Variants in GRM5 observed in about 807,000 individuals in gnomAD.
GRM5 encodes glutamate metabotropic receptor 5.
GRM5 carries 19 observed loss-of-function variants against 83.1 expected under a neutral mutation model. The ratio of observed to expected loss-of-function variants is 0.23; its 90% CI spans 0.16 to 0.34. The LOEUF is 0.34. Ranked by LOEUF, GRM5 falls within the 10% of genes least tolerant of loss-of-function variation. The pLI, the probability that GRM5 is intolerant of heterozygous loss-of-function variation, is 1.00. For synonymous variants in GRM5, 675 were observed against 633.6 expected (o/e 1.07, Z -0.98); for missense variants, 1,160 against 1,588.3 (o/e 0.73, Z 4.58).
intron 3 of GRM5, among the ~76,000 whole-genome samples, chr11:88,819,782 G>A (rs1943754139): frequency 6.6e-6 from 1 of 152,082 alleles, no homozygotes; most frequent in African/African-American, 2.4e-5. Context: ...CTGGAGGCTG[G>A]GCAGTCCAAG....
At chr11:88,749,064 C>T (rs951143456) in intron 3 of GRM5, among the ~76,000 whole-genome samples, 13 of 152,274 alleles carry the variant, frequency 8.5e-5, no homozygotes, top group Admixed American at 2.0e-4. Context: ...CAACACCTCT[C>T]GAGCAAGGAC....
chr11:88,558,312 C>T (rs1164496841), intron 8 of GRM5, among the ~76,000 whole-genome samples: 1 of 152,080 alleles, frequency 6.6e-6, no homozygotes, highest in African/African-American at 2.4e-5. Context: ...AAATACAGCC[C>T]CACATTCGAA....
intron 3 of GRM5, among the ~76,000 whole-genome samples, chr11:88,773,610 TC>T (rs1942785656): frequency 6.6e-6 from 1 of 152,320 alleles, no homozygotes; most frequent in East Asian, 1.9e-4. Context: ...CTTTAATCCA[TC>T]TTGAATTAAT....
chr11:88,958,270 A>G (rs1029711265), intron 2 of GRM5, among the ~76,000 whole-genome samples: 2 of 150,258 alleles, frequency 1.3e-5, no homozygotes, highest in African/African-American at 2.4e-5. Flanking sequence ...ATGTATATGA[A>G]TTTTTCTTTT....
Position 88,836,837 on chromosome 11 carries a change from CAAACAAAA to C in GRM5, c.911+13061_911+13068del, listed in dbSNP as rs1446873485. On this transcript the variant is annotated intron_variant, in intron 3 of 9. Coordinates refer to ENST00000305447, the MANE Select transcript of GRM5 (RefSeq NM_001143831.3). ...AAAAACAAAAACAAACAAAAACAAA[CAAACAAAA>C]AAACAAATCTAGAAAACAATAAAGA... is the stretch of plus-strand genomic sequence containing the variant. 5.3e-5 allele frequency among the ~76,000 whole-genome samples: 8 copies of C among 151,796 alleles called. No individual in the cohort carries two copies. The East Asian group carries it at 1.5e-3, about 29-fold the overall frequency.
intron 5 of GRM5, among the ~76,000 whole-genome samples, chr11:88,597,716 T>C (rs922117222): frequency 1.3e-5 from 2 of 152,124 alleles, no homozygotes; most frequent in Non-Finnish European, 2.9e-5. Context: ...AAAACTTACA[T>C]TTACTAACCA....
chr11:88,583,250 C>T (rs913201473), intron 7 of GRM5, among the ~76,000 whole-genome samples: 1 of 152,186 alleles, frequency 6.6e-6, no homozygotes, highest in African/African-American at 2.4e-5. Context: ...AGCTCATCCT[C>T]TGCTCCCTCC....
intron 3 of GRM5, among the ~76,000 whole-genome samples, chr11:88,740,857 C>T (rs1942013676): frequency 6.6e-6 from 1 of 151,936 alleles, no homozygotes; most frequent in Non-Finnish European, 1.5e-5. Context: ...AAGGATTTGG[C>T]AGGTTGGAGG....
intron 3 of GRM5, among the ~76,000 whole-genome samples, chr11:88,730,681 G>T (rs962717444): frequency 2.6e-5 from 4 of 152,128 alleles, no homozygotes; most frequent in Non-Finnish European, 5.9e-5. Context: ...GGAATACTAT[G>T]AAGCCATAAA....
chr11:88,750,410 C>G (rs1308399407), intron 3 of GRM5, among the ~76,000 whole-genome samples: 1 of 152,076 alleles, frequency 6.6e-6, no homozygotes, highest in Non-Finnish European at 1.5e-5. Flanking sequence ...ATATATGCAC[C>G]CAATGCAAGA....
At chr11:88,592,058 T>A (rs1252401121) in intron 6 of GRM5, among the ~76,000 whole-genome samples, 1 of 152,210 alleles carries the variant, frequency 6.6e-6, no homozygotes, top group African/African-American at 2.4e-5. Flanking sequence ...ATGCTCATGC[T>A]TATAAACATT....
At chr11:88,824,427 T>G (rs1200298749) in intron 3 of GRM5, among the ~76,000 whole-genome samples, 1 of 152,206 alleles carries the variant, frequency 6.6e-6, no homozygotes, top group East Asian at 1.9e-4. Context: ...CACTGTGGCT[T>G]ATTTAGAAAG....
chr11:88,611,292 A>C (rs1293391677), intron 4 of GRM5, among the ~76,000 whole-genome samples: 1 of 152,172 alleles, frequency 6.6e-6, no homozygotes. Context: ...TAGGACTGAT[A>C]CTAGCTCTTC....
At chr11:88,884,589 G>C (rs1945011431) in intron 2 of GRM5, among the ~76,000 whole-genome samples, 2 of 152,172 alleles carry the variant, frequency 1.3e-5, no homozygotes, top group Admixed American at 6.5e-5. Flanking sequence ...GGAGGGGTAA[G>C]AGGTAGAATG....
intron 3 of GRM5, among the ~76,000 whole-genome samples, chr11:88,806,212 A>T (rs2135492256): frequency 6.6e-6 from 1 of 152,342 alleles, no homozygotes; most frequent in South Asian, 2.1e-4. Context: ...TCATACAAAG[A>T]GATTCTGATT....
intron 2 of GRM5, among the ~76,000 whole-genome samples, chr11:88,884,132 G>C (rs1945004733): frequency 6.6e-6 from 1 of 152,104 alleles, no homozygotes; most frequent in Admixed American, 6.5e-5. Context: ...GCCTGGAAAA[G>C]CCACAGATAC....
chr11:88,994,602 G>A (rs907132067), intron 2 of GRM5, among the ~76,000 whole-genome samples: 60 of 129,560 alleles, frequency 4.6e-4, no homozygotes, highest in African/African-American at 1.9e-3. Flanking sequence ...CTGAATTAAA[G>A]CATTACAGAA....
At chr11:88,616,389 GTTTTT>G (rs68153026) in intron 4 of GRM5, among the ~76,000 whole-genome samples, 20,133 of 95,888 alleles carry the variant, frequency 0.21, 1,875 homozygotes, top group Middle Eastern at 0.3. Context: ...GCTTTGGAGT[GTTTTT>G]TTTTTTTTTT....
chr11:88,802,516 G>T (rs1004208876), intron 3 of GRM5, among the ~76,000 whole-genome samples: 1 of 152,060 alleles, frequency 6.6e-6, no homozygotes, highest in African/African-American at 2.4e-5. Flanking sequence ...AATAAATTAG[G>T]TATTGATGGG....
Sources: allele counts gnomAD v4.1 joint callset (sites outside exome capture counted in the v4.1 genomes callset), GRCh38; gene constraint gnomAD v4.1.1; transcripts MANE v1.5; gene names NCBI Gene and HGNC (gene_info 2026-07-23, HGNC 2026-07-21).